CERT1: variants seen among roughly 807,000 people sequenced by gnomAD.
CERT1 encodes the protein ceramide transfer protein.
A neutral mutation model predicts 87.9 loss-of-function variants in CERT1; 31 were observed. That is an observed-to-expected ratio of 0.35 (90% confidence interval 0.27 to 0.48). CERT1 has a LOEUF of 0.48. Ranked by LOEUF, CERT1 falls within the 20% of genes least tolerant of loss-of-function variation. CERT1 has a pLI of 0.99. For missense variants in CERT1, 487 were observed against 758.0 expected (o/e 0.64, Z 4.20); for synonymous variants, 289 against 250.9 (o/e 1.15, Z -1.44).
In CERT1 at chr5:75,396,740, A is replaced by AC. The variant is rs1475811241; in HGVS notation, c.1188+2569_1188+2570insG. On this transcript the variant is annotated intron_variant, in intron 11 of 16. Coordinates refer to ENST00000643780, the MANE Select transcript of CERT1 (RefSeq NM_001379029.1). ...GCGAAACTCCGTCTCAAAAAAAAAA[A>AC]AAAAACAAAAAACAGAAAAGACCGA... Among the ~76,000 whole-genome samples the AC allele has an allele frequency of 7.0e-5, 10 of 142,318 alleles. No homozygotes were observed. The South Asian group carries it at 1.7e-3, about 24-fold the overall frequency. The allele number at this position is 142,318 out of a possible 152,430, so 93.4% of individuals were successfully genotyped here.
chr5:75,509,056 A>C (rs538567122), intron 1 of CERT1, among the ~76,000 whole-genome samples: 1 of 152,176 alleles, frequency 6.6e-6, no homozygotes, highest in African/African-American at 2.4e-5. Context: ...TATAAGAAAT[A>C]TGCTTCATAG....
upstream of CERT1, chr5:75,511,683 C>G: frequency 2.0e-6 from 3 of 1,533,104 alleles, no homozygotes; most frequent in Non-Finnish European, 1.8e-6. Flanking sequence ...TTCTCCCCCA[C>G]TACTCCCCGC....
chr5:75,425,002 T>C (rs1270535266), intron 5 of CERT1, among the ~76,000 whole-genome samples: 1 of 151,946 alleles, frequency 6.6e-6, no homozygotes, highest in Non-Finnish European at 1.5e-5. Context: ...CCTGTAGTCC[T>C]AGCAACCTGG....
intron 3 of CERT1, among the ~76,000 whole-genome samples, chr5:75,432,207 A>G (rs1402792494): frequency 6.6e-6 from 1 of 151,976 alleles, no homozygotes; most frequent in Admixed American, 6.6e-5. Context: ...GCTAGCCACC[A>G]CACCCGGCTA....
intron 2 of CERT1, among the ~76,000 whole-genome samples, chr5:75,466,974 C>A (rs916100229): frequency 6.6e-6 from 1 of 152,142 alleles, no homozygotes; most frequent in African/African-American, 2.4e-5. Flanking sequence ...GAATGCTGAA[C>A]ATAAAATTCA....
chr5:75,461,821 G>T (rs372630843), intron 2 of CERT1, among the ~76,000 whole-genome samples: 2 of 89,678 alleles, frequency 2.2e-5, no homozygotes, highest in African/African-American at 4.2e-5. Flanking sequence ...TCAACAAAGT[G>T]AAAAAAAAAA....
chr5:75,399,196 T>C, intron 11 of CERT1, 114 bp downstream of exon 11: 1 of 754,864 alleles, frequency 1.3e-6, no homozygotes, highest in Non-Finnish European at 2.3e-6. Context: ...ATGTTACTAT[T>C]TAAAATTCAA....
At chr5:75,438,216 A>G (rs1037239668) in intron 3 of CERT1, among the ~76,000 whole-genome samples, 4 of 152,216 alleles carry the variant, frequency 2.6e-5, no homozygotes, top group African/African-American at 7.2e-5. Flanking sequence ...ATCATCAAAG[A>G]TATCAGTACC....
chr5:75,438,943 C>A (rs1441797209), intron 3 of CERT1, among the ~76,000 whole-genome samples: 5 of 150,154 alleles, frequency 3.3e-5, no homozygotes, highest in Non-Finnish European at 7.4e-5. Flanking sequence ...CTTTTAAGAG[C>A]AATACCAGCC....
chr5:75,370,900 C>T (rs1373181983), intron 17 of CERT1: 1 of 145,954 alleles, frequency 6.9e-6, no homozygotes, highest in Non-Finnish European at 1.5e-5. Context: ...TGCAGTGAGC[C>T]AAGATCCCAC....
chr5:75,502,860 C>G (rs542167650), intron 2 of CERT1, among the ~76,000 whole-genome samples: 1 of 151,944 alleles, frequency 6.6e-6, no homozygotes, highest in Admixed American at 6.6e-5. Context: ...ATCTACTATG[C>G]GGCAAATTTT....
chr5:75,408,260 A>G (rs990059863), intron 8 of CERT1, among the ~76,000 whole-genome samples: 8 of 152,194 alleles, frequency 5.3e-5, no homozygotes, highest in African/African-American at 1.9e-4. Context: ...GGTCTTCAGG[A>G]CTCAGACCTT....
chr5:75,374,409 C>A, downstream of CERT1: 1 of 556,712 alleles, frequency 1.8e-6, no homozygotes, highest in South Asian at 2.4e-5. Context: ...TGGAATTTTT[C>A]AAAAGTTAGA....
intron 14 of CERT1, among the ~76,000 whole-genome samples, chr5:75,383,850 T>A (rs1284689614): frequency 6.6e-6 from 1 of 152,198 alleles, no homozygotes. Flanking sequence ...CTATACACAT[T>A]ATGTTATTGG....
chr5:75,447,499 T>A (rs1243097178), intron 3 of CERT1, among the ~76,000 whole-genome samples: 1 of 151,698 alleles, frequency 6.6e-6, no homozygotes, highest in African/African-American at 2.4e-5. Context: ...GAGACGGAGT[T>A]TCGCTCTGTT....
intron 2 of CERT1, among the ~76,000 whole-genome samples, chr5:75,469,137 CAG>C (rs202017698): frequency 0.015 from 2,205 of 151,922 alleles, 48 homozygotes; most frequent in African/African-American, 0.049. Context: ...GAAAATCAAA[CAG>C]AAATACTGGA....
At chr5:75,404,155 C>T (rs1007587898) in intron 8 of CERT1, among the ~76,000 whole-genome samples, 5 of 152,042 alleles carry the variant, frequency 3.3e-5, no homozygotes, top group Non-Finnish European at 7.4e-5. Flanking sequence ...GTCCTATCCC[C>T]ACCATAACCT....
chr5:75,403,789 T>C (rs1034879022), intron 8 of CERT1, among the ~76,000 whole-genome samples: 1 of 152,178 alleles, frequency 6.6e-6, no homozygotes, highest in Non-Finnish European at 1.5e-5. Context: ...CAGGCCTCCA[T>C]GGCCAAAAAT....
At chr5:75,480,069 A>T in intron 2 of CERT1, among the ~76,000 whole-genome samples, 1 of 152,200 alleles carries the variant, frequency 6.6e-6, no homozygotes, top group Non-Finnish European at 1.5e-5. Context: ...AAGGAGATAC[A>T]GAAACTACAA....
Sources: allele counts gnomAD v4.1 joint callset (sites outside exome capture counted in the v4.1 genomes callset), GRCh38; gene constraint gnomAD v4.1.1; transcripts MANE v1.5; gene names NCBI Gene and HGNC (gene_info 2026-07-23, HGNC 2026-07-21).